The following MIB1 variants were observed in gnomAD, a reference collection of about 807,000 sequenced individuals.
The protein encoded by MIB1 is MIB E3 ubiquitin protein ligase 1.
Under a neutral mutation model 124.5 loss-of-function variants are expected in MIB1, and 278 were observed. The observed-to-expected ratio is 2.23, with a 90% confidence interval of 2.02 to 2.47. MIB1 has a LOEUF of 2.47. Among genes scored for constraint, MIB1 ranks in the 30% most tolerant of loss-of-function variants. MIB1 has a pLI of 0.00. For missense variants in MIB1, 957 were observed against 1,254.4 expected, an observed-to-expected ratio of 0.76 and a Z score of 3.58; for synonymous variants, 446 against 429.4, an observed-to-expected ratio of 1.04 and a Z score of -0.48.
chr18:21,750,753 T>C (rs1437696187), intron 1 of MIB1, among the ~76,000 whole-genome samples: 1 of 152,078 alleles, frequency 6.6e-6, no homozygotes, highest in Non-Finnish European at 1.5e-5. Context: ...CGTGAGCCAC[T>C]GCGCCCGGCC....
intron 5 of MIB1, 99 bp downstream of exon 5, chr18:21,778,268 A>G (rs763898235): frequency 3.2e-5 from 27 of 832,116 alleles, no homozygotes; most frequent in Non-Finnish European, 5.0e-5. Flanking sequence ...AATTACCACT[A>G]AAGTTACTTA....
intron 9 of MIB1, 88 bp downstream of exon 9, chr18:21,800,062 G>C: frequency 9.6e-7 from 1 of 1,038,558 alleles, no homozygotes; most frequent in Non-Finnish European, 1.4e-6. Context: ...GATTTTGCCA[G>C]ATGTGCTTCA....
At chr18:21,861,998 T>A (rs566131891) in intron 20 of MIB1, among the ~76,000 whole-genome samples, 79 of 151,964 alleles carry the variant, frequency 5.2e-4, no homozygotes, top group African/African-American at 1.8e-3. Context: ...AACTCCTGGG[T>A]TCAAGCAGTT....
intron 12 of MIB1, chr18:21,827,941 G>A (rs1217588932): frequency 6.6e-6 from 1 of 151,884 alleles, no homozygotes; most frequent in Non-Finnish European, 1.5e-5. Context: ...GTAAGAAATG[G>A]TTAGAATATG....
intron 1 of MIB1, among the ~76,000 whole-genome samples, chr18:21,710,160 G>A (rs1177488805): frequency 4.7e-5 from 7 of 148,820 alleles, no homozygotes; most frequent in East Asian, 3.9e-4. Flanking sequence ...TCTCTCTGTC[G>A]CCCAGGCTGG....
At chr18:21,782,101 A>C (rs2041375698) in intron 6 of MIB1, among the ~76,000 whole-genome samples, 1 of 151,598 alleles carries the variant, frequency 6.6e-6, no homozygotes, top group African/African-American at 2.4e-5. Flanking sequence ...AGGTTATTTG[A>C]AATCTTCCTA....
At chr18:21,795,747 T>G (rs1437450019) in intron 7 of MIB1, among the ~76,000 whole-genome samples, 2 of 152,188 alleles carry the variant, frequency 1.3e-5, no homozygotes, top group Non-Finnish European at 2.9e-5. Flanking sequence ...CAGTTAATTT[T>G]TCTTTATATC....
At position 21,779,211 on chromosome 18, in the gene MIB1, A is replaced by C. The variant is rs911200113; in HGVS notation, c.704-270A>C. Among the ~76,000 whole-genome samples the C allele has an allele frequency of 6.6e-5, 10 of 152,216 alleles. 1 individual carries two copies. The highest frequency in any genetic ancestry group is 3.3e-4 in the Admixed American group (5 of 15,278). ...AACACCTGGAACTTTGTGTTCTGAT[A>C]CAAGGTTGAATAGTCTTTTATAGAC... On this transcript the variant is annotated intron_variant, in intron 5 of 20. Coordinates refer to ENST00000261537, the MANE Select transcript of MIB1 (RefSeq NM_020774.4).
intron 7 of MIB1, among the ~76,000 whole-genome samples, chr18:21,794,646 G>T (rs963366228): frequency 6.6e-6 from 1 of 152,048 alleles, no homozygotes; most frequent in East Asian, 1.9e-4. Flanking sequence ...CAAACACTGG[G>T]CTATATTCTG....
Position 21,798,177 on chromosome 18 carries a change from GCAGTTTC to G in MIB1, c.1189_1195del (p.Val397ArgfsTer21). ...AACATCTTGGACATACAATCCAGCA[GCAGTTTC>G]CAAGGTGGCATCTGCAGGATCAGCC... On this transcript the variant is annotated frameshift_variant, in exon 8 of 21. Coordinates refer to ENST00000261537, the MANE Select transcript of MIB1 (RefSeq NM_020774.4). LOFTEE classifies it high-confidence loss of function. 1 of 1,613,318 alleles carries G rather than the reference GCAGTTTC, an allele frequency of 6.2e-7. No individual in the cohort carries two copies. The highest frequency in any genetic ancestry group is 8.5e-7 in the Non-Finnish European group (1 of 1,179,430).
chr18:21,837,629 C>T (rs557076633), intron 12 of MIB1, among the ~76,000 whole-genome samples: 3 of 152,232 alleles, frequency 2.0e-5, no homozygotes, highest in South Asian at 4.2e-4. Context: ...TTCTGCTCTT[C>T]GGTGGTTGGA....
Position 21,803,986 on chromosome 18 carries a change from T to C in MIB1, c.1451T>C (p.Leu484Ser). Reference protein sequence around the residue: ...NGHVDILKLLLKQNVDVEAED... With the variant: ...NGHVDILKLLSKQNVDVEAED... ...CATGTTGACATTTTGAAGTTACTTT[T>C]GAAGCAAAACGTGGATGTCGAAGCA... Residue 484 changes from leucine (L) to serine (S), a missense_variant, in exon 10 of 21, where the codon TTG becomes TCG. Coordinates refer to ENST00000261537, the MANE Select transcript of MIB1 (RefSeq NM_020774.4). The C allele has an allele frequency of 6.2e-7, 1 of 1,613,654 alleles. No homozygotes were observed. The highest frequency in any genetic ancestry group is 8.5e-7 in the Non-Finnish European group (1 of 1,179,750).
chr18:21,835,801 C>CACACA (rs1555695315), intron 12 of MIB1, among the ~76,000 whole-genome samples: 1 of 101,586 alleles, frequency 9.8e-6, no homozygotes. Context: ...ATATATATAT[C>CACACA]CACACACACA....
In MIB1 at chr18:21,791,558, G is replaced by T. The variant is rs776359369; in HGVS notation, c.1092+1G>T. 4 of 1,607,682 alleles carry T rather than the reference G, an allele frequency of 2.5e-6. No individual in the cohort carries two copies. The highest frequency in any genetic ancestry group is 1.3e-5 in the African/African-American group (1 of 74,786). On this transcript the variant is annotated splice_donor_variant, in intron 7 of 20. Coordinates refer to ENST00000261537, the MANE Select transcript of MIB1 (RefSeq NM_020774.4). LOFTEE classifies it high-confidence loss of function. ...AGAATGGGCTGAAGCGATGCTTCCAGTAAGTATGTTTAGAATAATTCTGGG... is the reference window on the plus strand; with the variant it reads ...AGAATGGGCTGAAGCGATGCTTCCATTAAGTATGTTTAGAATAATTCTGGG...
At chr18:21,785,209 A>T (rs2146434662) in intron 6 of MIB1, among the ~76,000 whole-genome samples, 1 of 150,520 alleles carries the variant, frequency 6.6e-6, no homozygotes, top group Admixed American at 6.6e-5. Flanking sequence ...GACGACTCAC[A>T]CTCCTTACCC....
chr18:21,759,582 G>A (rs2041075341), intron 1 of MIB1, among the ~76,000 whole-genome samples: 2 of 152,094 alleles, frequency 1.3e-5, no homozygotes, highest in South Asian at 2.1e-4. Flanking sequence ...TATGGTGAAG[G>A]GTATGTCCAT....
In MIB1 at chr18:21,756,753, C is replaced by T. The variant is rs756474574; in HGVS notation, c.230-9019C>T. Among the ~76,000 whole-genome samples, 12 of 152,254 alleles carry T rather than the reference C, an allele frequency of 7.9e-5. No individual in the cohort carries two copies. In the East Asian group the frequency reaches 2.1e-3, roughly 27 times the overall value. The stretch of plus-strand genomic sequence containing the variant: ...TGCTGGGATTACAGGCGTGAGCCAC[C>T]GCACGTGGAGTCAAAATGTATTTTC... On this transcript the variant is annotated intron_variant, in intron 1 of 20. Coordinates refer to ENST00000261537, the MANE Select transcript of MIB1 (RefSeq NM_020774.4).
rs572542287 is a variant in MIB1, at chr18:21,869,291, G to A, written c.*4625G>A. The A allele has an allele frequency of 6.6e-6, 1 of 152,468 alleles. No individual in the cohort carries two copies. The highest frequency in any genetic ancestry group is 2.1e-4 in the South Asian group (1 of 4,822). The allele number at this position is 152,468 out of a possible 1,614,324, so 9.4% of individuals were successfully genotyped here. ...GCAAAATGGTCCTGTAATTTTTAAA[G>A]TAAAATAAACGTGCCATTTTGTCTG... is the stretch of plus-strand genomic sequence containing the variant. On this transcript the variant is annotated 3_prime_UTR_variant, in exon 21 of 21. Transcript: ENST00000261537.
chr18:21,800,753 G>A (rs2041641825), intron 9 of MIB1, among the ~76,000 whole-genome samples: 1 of 151,976 alleles, frequency 6.6e-6, no homozygotes, highest in Non-Finnish European at 1.5e-5. Context: ...TAATTGTAAA[G>A]TATTAATGTC....
Sources: allele counts gnomAD v4.1 joint callset (sites outside exome capture counted in the v4.1 genomes callset), GRCh38; gene constraint gnomAD v4.1.1; transcripts MANE v1.5; gene names NCBI Gene and HGNC (gene_info 2026-07-23, HGNC 2026-07-21).